Variants in DNAH9 observed in about 807,000 individuals in gnomAD.
DNAH9 encodes the protein DNAH9 variant protein.
DNAH9 carries 345 observed loss-of-function variants against 471.6 expected under a neutral mutation model. That is an observed-to-expected ratio of 0.73 (90% confidence interval 0.67 to 0.80). The LOEUF (loss-of-function observed/expected upper bound fraction) is 0.80, where lower values mean the gene tolerates loss of function less well. Ranked by LOEUF, DNAH9 falls within the 30% of genes least tolerant of loss-of-function variation. DNAH9 has a pLI of 0.00. For missense variants in DNAH9, 5,407 were observed against 5,609.2 expected (o/e 0.96, Z 1.15); for synonymous variants, 2,093 against 2,123.6 (o/e 0.99, Z 0.40).
chr17:11,778,858 T>C (rs969181346), intron 38 of DNAH9, among the ~76,000 whole-genome samples: 5 of 151,622 alleles, frequency 3.3e-5, no homozygotes, highest in Non-Finnish European at 7.4e-5. Flanking sequence ...AACACAAAAT[T>C]AGCCAGGTGT....
intron 19 of DNAH9, among the ~76,000 whole-genome samples, chr17:11,683,911 T>C (rs1388259874): frequency 6.6e-6 from 1 of 152,258 alleles, no homozygotes; most frequent in Non-Finnish European, 1.5e-5. Context: ...GATTTATCAC[T>C]AAAGCGAATC....
intron 4 of DNAH9, among the ~76,000 whole-genome samples, chr17:11,616,086 A>C (rs1017987291): frequency 1.2e-4 from 18 of 152,198 alleles, no homozygotes; most frequent in African/African-American, 4.1e-4. Flanking sequence ...CCGTGAAGCC[A>C]AGGGTTCAAT....
At chr17:11,914,805 G>A (rs1288904257) in intron 61 of DNAH9, among the ~76,000 whole-genome samples, 1 of 152,116 alleles carries the variant, frequency 6.6e-6, no homozygotes. Flanking sequence ...TTCATAAGCT[G>A]TGCCTAGTTG....
At chr17:11,668,625 AC>A (rs1263155557) in intron 15 of DNAH9, among the ~76,000 whole-genome samples, 2 of 145,762 alleles carry the variant, frequency 1.4e-5, no homozygotes, top group African/African-American at 2.5e-5. Context: ...AGATTGTGCC[AC>A]TTCACTCCAG....
intron 12 of DNAH9, 40 bp from the exon 13 acceptor site, chr17:11,651,029 T>C (rs375110700): frequency 6.3e-7 from 1 of 1,597,078 alleles, no homozygotes; most frequent in Non-Finnish European, 8.5e-7. Flanking sequence ...TTATTCATTA[T>C]CACTGAACGA....
At chr17:11,600,801 A>G (rs1294439468) in intron 1 of DNAH9, among the ~76,000 whole-genome samples, 1 of 152,044 alleles carries the variant, frequency 6.6e-6, no homozygotes, top group Non-Finnish European at 1.5e-5. Context: ...CCTTAGGGTA[A>G]TTTTTTCCTT....
At chr17:11,881,755 T>A (rs1189816733) in intron 55 of DNAH9, among the ~76,000 whole-genome samples, 1 of 151,762 alleles carries the variant, frequency 6.6e-6, no homozygotes, top group Non-Finnish European at 1.5e-5. Flanking sequence ...AAAAAATAAA[T>A]ATTAAAATTA....
At position 11,932,803 on chromosome 17, in the gene DNAH9, A is replaced by G. The variant is rs895170941; in HGVS notation, c.12297+598A>G. Among the ~76,000 whole-genome samples, 2 of 148,288 alleles carry G rather than the reference A, an allele frequency of 1.3e-5. No homozygotes were observed. The highest frequency in any genetic ancestry group is 3.0e-5 in the Non-Finnish European group (2 of 67,170). On this transcript the variant is annotated intron_variant, in intron 64 of 68. Transcript: ENST00000262442. The surrounding 1 kb of genome is among the most constrained non-coding windows in gnomAD (Gnocchi z 4.3). The stretch of plus-strand genomic sequence containing the variant: ...TCCCGGGCCCCACCAGACCATACCT[A>G]TGTCTTCACAGCATGGCAGGTAGAC...
chr17:11,955,921 T>C (rs1194686051), intron 67 of DNAH9, among the ~76,000 whole-genome samples: 1 of 152,246 alleles, frequency 6.6e-6, no homozygotes, highest in Non-Finnish European at 1.5e-5. Context: ...GTATTCATTG[T>C]AAACCAAATT....
chr17:11,811,876 G>A (rs1441821155), intron 45 of DNAH9, among the ~76,000 whole-genome samples: 3 of 149,610 alleles, frequency 2.0e-5, no homozygotes, highest in African/African-American at 4.9e-5. Flanking sequence ...TGTAATCCCA[G>A]CTACTTGGGA....
chr17:11,735,046 A>G (rs953662162), intron 28 of DNAH9, among the ~76,000 whole-genome samples: 1 of 152,182 alleles, frequency 6.6e-6, no homozygotes, highest in Non-Finnish European at 1.5e-5. Flanking sequence ...TCTTGGAGGT[A>G]GAGCTAAGAA....
intron 14 of DNAH9, among the ~76,000 whole-genome samples, chr17:11,658,830 A>G (rs948269825): frequency 6.6e-6 from 1 of 151,886 alleles, no homozygotes; most frequent in Non-Finnish European, 1.5e-5. Context: ...CCAAATTTGC[A>G]TTTCTGAGAT....
intron 53 of DNAH9, among the ~76,000 whole-genome samples, chr17:11,876,947 C>G (rs973641569): frequency 1.3e-5 from 2 of 151,622 alleles, no homozygotes; most frequent in Non-Finnish European, 2.9e-5. Context: ...AGGCTGGTCT[C>G]GCACTCCTGA....
chr17:11,906,759 A>C (rs1017934138), intron 61 of DNAH9, among the ~76,000 whole-genome samples: 1 of 152,134 alleles, frequency 6.6e-6, no homozygotes, highest in Non-Finnish European at 1.5e-5. Context: ...CCACTAACTA[A>C]TGCAGGAACA....
intron 8 of DNAH9, among the ~76,000 whole-genome samples, chr17:11,635,822 G>A (rs2073153375): frequency 6.6e-6 from 1 of 152,134 alleles, no homozygotes; most frequent in South Asian, 2.1e-4. Flanking sequence ...CATCTTCAGA[G>A]AAAGGTCAGC....
chr17:11,969,416 G>A lies in DNAH9; in HGVS notation c.13350G>A (p.Val4450=), dbSNP rs749468464. The change falls in exon 69 of 69, where the codon GTG becomes GTA. Residue 4450 remains valine (V), a synonymous_variant. Transcript: ENST00000262442. ...GCCGCAGTGTCTATTCCTGTCCTGT[G>A]TACAAGACTAGTCAGCGGGGACCCA... ...QDCRSVYSCP[V]YKTSQRGPTY... 6.2e-7 allele frequency: 1 copy of A among 1,614,056 alleles called. No individual in the cohort carries two copies. The highest frequency in any genetic ancestry group is 1.7e-5 in the Admixed American group (1 of 60,006).
rs1238279681 is a variant in DNAH9, at chr17:11,636,778, G to A, written c.1780G>A (p.Glu594Lys). 6.2e-7 allele frequency: 1 copy of A among 1,613,884 alleles called. No individual in the cohort carries two copies. The highest frequency in any genetic ancestry group is 1.1e-5 in the South Asian group (1 of 91,016). The change falls in exon 9 of 69, where the codon GAA becomes AAA. Residue 594 changes from glutamate (E) to lysine (K), a missense_variant. Transcript: ENST00000262442. The stretch of plus-strand genomic sequence containing the variant: ...CAGTCAGCACGTCCAGGAGGAAGCA[G>A]AACTTGGTAGGCTTGTTAAAGGGGA... ...IYSQHVQEEA[E>K]LGFSPVHKNM... is the part of the protein sequence containing the mutation.
intron 67 of DNAH9, among the ~76,000 whole-genome samples, chr17:11,960,890 G>A (rs2151451299): frequency 6.6e-6 from 1 of 152,330 alleles, no homozygotes; most frequent in Non-Finnish European, 1.5e-5. Context: ...TTAGCAGTCT[G>A]CCCTTGATGA....
chr17:11,734,851 TGA>T (rs1422031321), intron 28 of DNAH9, among the ~76,000 whole-genome samples: 1 of 152,196 alleles, frequency 6.6e-6, no homozygotes, highest in Non-Finnish European at 1.5e-5. Flanking sequence ...CCCTCCCGTC[TGA>T]GAGAGGGAGG....
Sources: allele counts gnomAD v4.1 joint callset (sites outside exome capture counted in the v4.1 genomes callset), GRCh38; gene constraint gnomAD v4.1.1; non-coding constraint Gnocchi (gnomAD v3.1); transcripts MANE v1.5; gene names NCBI Gene and HGNC (gene_info 2026-07-23, HGNC 2026-07-21).